The following BTAF1 variants were observed in gnomAD, a reference collection of about 807,000 sequenced individuals.
BTAF1 encodes the protein B-TFIID TATA-box binding protein associated factor 1.
BTAF1 carries 38 observed loss-of-function variants against 227.1 expected under a neutral mutation model. That is an observed-to-expected ratio of 0.17 (90% CI 0.13 to 0.22). BTAF1 has a LOEUF of 0.22. BTAF1 is among the 10% of genes least tolerant of loss of function. BTAF1 has a pLI of 1.00. For synonymous variants in BTAF1, 742 were observed against 751.9 expected, an observed-to-expected ratio of 0.99 and a Z score of 0.21; for missense variants, 1,598 against 2,204.0, an observed-to-expected ratio of 0.73 and a Z score of 5.51.
chr10:92,014,749 C>T (rs1329263391), intron 32 of BTAF1, among the ~76,000 whole-genome samples: 1 of 152,122 alleles, frequency 6.6e-6, no homozygotes, highest in Non-Finnish European at 1.5e-5. Context: ...CACAATTGTG[C>T]AGTGCTAATG....
At chr10:91,989,085 C>CT in intron 19 of BTAF1, 69 bp from the exon 20 acceptor site, 1 of 1,361,980 alleles carries the variant, frequency 7.3e-7, no homozygotes, top group South Asian at 1.5e-5. Context: ...GCTGTCTACC[C>CT]TTTAGGAGCT....
chr10:92,021,757 G>A (rs923451651), intron 34 of BTAF1, among the ~76,000 whole-genome samples: 1 of 152,016 alleles, frequency 6.6e-6, no homozygotes, highest in Admixed American at 6.5e-5. Flanking sequence ...TGTTAGCCAG[G>A]ATGGTCTCGC....
Position 92,013,764 on chromosome 10 carries a change from T to C in BTAF1, c.4409T>C (p.Leu1470Ser). Residue 1470 changes from leucine to serine, a missense_variant, in exon 31 of 38, where the codon TTA becomes TCA. Physicochemically the swap from Leu to Ser is moderately radical, Grantham distance 145. Around this residue, in one of 10 missense-constraint regions of BTAF1, gnomAD observed 184 missense variants for 341.1 expected, o/e 0.54. Transcript: ENST00000265990. ...QFAARYGKPI[L>S]ASRDARSSSR... ...GCTGCTCGATATGGTAAACCTATAT[T>C]AGCAAGTAGGGATGCTCGAAGCTCC... 1 of 1,614,064 alleles carries C rather than the reference T, an allele frequency of 6.2e-7. No individual in the cohort carries two copies. The highest frequency in any genetic ancestry group is 8.5e-7 in the Non-Finnish European group (1 of 1,180,018).
intron 1 of BTAF1, among the ~76,000 whole-genome samples, chr10:91,928,772 C>T (rs1343242737): frequency 8.9e-6 from 1 of 112,672 alleles, no homozygotes; most frequent in African/African-American, 3.2e-5. Context: ...CCCCCCCCCC[C>T]CGCCCCCCAA....
chr10:91,989,523 C>G lies in BTAF1; in HGVS notation c.2797C>G (p.Leu933Val), dbSNP rs781473293. The change falls in exon 20 of 38, where the codon CTA (leucine) becomes GTA (valine). Residue 933 changes from leucine (L) to valine (V), a missense_variant. Leu to Val is a conservative substitution (Grantham distance 32). Coordinates refer to ENST00000265990, the MANE Select transcript of BTAF1 (RefSeq NM_003972.3). ...TAGCTCACTTTGTGTGGACCCATAT[C>G]TAACTCCTTGTGTCACATGTCCAGT... ...LCSSLCVDPY[L>V]TPCVTCPVPT... 1.2e-6 allele frequency: 2 copies of G among 1,613,558 alleles called. No homozygotes were observed. Among genetic ancestry groups the G allele is most frequent in the Non-Finnish European group, 1.7e-6 (2 of 1,179,932 alleles).
chr10:91,960,263 C>T (rs1050200342), intron 11 of BTAF1, 109 bp downstream of exon 11: 39 of 1,205,076 alleles, frequency 3.2e-5, no homozygotes, highest in East Asian at 5.1e-5. Context: ...ACAGAGAAGC[C>T]AGTCTTCCAA....
chr10:91,968,536 T>C (rs1393800140), intron 14 of BTAF1, among the ~76,000 whole-genome samples: 1 of 152,196 alleles, frequency 6.6e-6, no homozygotes, highest in Non-Finnish European at 1.5e-5. Flanking sequence ...CATTAAGTTT[T>C]CAACTCACTT....
chr10:91,960,845 T>C (rs919408635), intron 11 of BTAF1, among the ~76,000 whole-genome samples: 1 of 152,212 alleles, frequency 6.6e-6, no homozygotes, highest in African/African-American at 2.4e-5. Context: ...GGAACATTTA[T>C]GTTCCCTTAG....
Position 92,028,875 on chromosome 10 carries a change from A to T in BTAF1, c.5492A>T (p.Asp1831Val), listed in dbSNP as rs1477069450. The part of the protein sequence containing the change: ...SILENLSDLW[D>V]QEQYDSEYSL... Reference sequence around the variant, plus strand: ...CTTGAAAACCTGAGTGATCTTTGGGATCAAGAGCAGTATGATTCAGAGTAC... The same window carrying T: ...CTTGAAAACCTGAGTGATCTTTGGGTTCAAGAGCAGTATGATTCAGAGTAC... Residue 1831 changes from aspartate to valine, a missense_variant, in exon 38 of 38, where the codon GAT (aspartate) becomes GTT (valine). Around this residue, in one of 10 missense-constraint regions of BTAF1, gnomAD observed 79 missense variants for 97.9 expected, o/e 0.81. Transcript: ENST00000265990. The T allele has an allele frequency of 6.2e-7, 1 of 1,609,550 alleles. No individual in the cohort carries two copies. Among genetic ancestry groups the T allele is most frequent in the Non-Finnish European group, 8.5e-7 (1 of 1,178,284 alleles).
At chr10:92,005,156 C>T (rs1278912180) in intron 25 of BTAF1, among the ~76,000 whole-genome samples, 1 of 152,142 alleles carries the variant, frequency 6.6e-6, no homozygotes, top group African/African-American at 2.4e-5. Context: ...ATTTTGAAAT[C>T]AGGTAGCGTG....
Position 91,989,270 on chromosome 10 carries a change from G to A in BTAF1, c.2544G>A (p.Glu848=), listed in dbSNP as rs1848597516. ...TGACAGTTACAGAGACCAACCAGGA[G>A]TGGCAAGTGTTGCAGTTGAGAGTGC... ...VQMTVTETNQ[E]WQVLQLRVHT... Residue 848 remains glutamate (E), a synonymous_variant, in exon 20 of 38, where the codon GAG becomes GAA. Transcript: ENST00000265990. The A allele has an allele frequency of 1.9e-6, 3 of 1,614,178 alleles. No homozygotes were observed. The highest frequency in any genetic ancestry group is 2.2e-5 in the East Asian group (1 of 44,886).
intron 1 of BTAF1, 29 bp downstream of exon 1, chr10:91,924,119 G>A (rs1843665129): frequency 3.1e-6 from 5 of 1,605,226 alleles, no homozygotes; most frequent in Non-Finnish European, 4.2e-6. Context: ...GAGCAAACTG[G>A]AAGGCGATTC....
chr10:91,980,613 A>T lies in BTAF1; in HGVS notation c.1755+55A>T, dbSNP rs926381076. 4.2e-6 allele frequency: 6 copies of T among 1,417,376 alleles called. No homozygotes were observed. The African/African-American group carries it at 5.7e-5, about 13-fold the overall frequency. The allele number at this position is 1,417,376 out of a possible 1,614,324, so 87.8% of individuals were successfully genotyped here. ...TCCTAGTAACTTTTGTAGATTTTTA[A>T]AATTTTTCATAATTGCTGTTCTGTT... On this transcript the variant is annotated intron_variant, in intron 15 of 37. Transcript: ENST00000265990.
intron 12 of BTAF1, 30 bp downstream of exon 12, chr10:91,962,708 T>C (rs1345629590): frequency 1.3e-6 from 2 of 1,537,130 alleles, no homozygotes; most frequent in Non-Finnish European, 1.8e-6. Context: ...AGTTTCTTAC[T>C]ATAGAGCTTG....
intron 28 of BTAF1, among the ~76,000 whole-genome samples, chr10:92,009,439 A>G (rs1850154879): frequency 6.6e-6 from 1 of 152,236 alleles, no homozygotes; most frequent in Non-Finnish European, 1.5e-5. Flanking sequence ...CTGGAGAACT[A>G]TCAGGAACCA....
At chr10:92,022,401 A>T (rs989758697) in intron 34 of BTAF1, among the ~76,000 whole-genome samples, 1 of 152,174 alleles carries the variant, frequency 6.6e-6, no homozygotes. Flanking sequence ...GGATCTGTAT[A>T]GGATGTCACA....
At chr10:91,934,985 A>G (rs1336344241) in intron 1 of BTAF1, among the ~76,000 whole-genome samples, 1 of 152,006 alleles carries the variant, frequency 6.6e-6, no homozygotes. Flanking sequence ...TTTTCCTGCC[A>G]TGTATCTTAT....
intron 33 of BTAF1, among the ~76,000 whole-genome samples, chr10:92,017,432 C>T (rs1850814185): frequency 1.3e-5 from 2 of 152,132 alleles, no homozygotes; most frequent in Non-Finnish European, 2.9e-5. Flanking sequence ...CACAGAAAAC[C>T]TCCTGCTAAT....
intron 4 of BTAF1, among the ~76,000 whole-genome samples, chr10:91,943,135 G>A (rs909277634): frequency 2.0e-5 from 3 of 152,038 alleles, no homozygotes; most frequent in African/African-American, 7.2e-5. Context: ...CCAACATGGC[G>A]AAACCCTGTC....
Sources: allele counts gnomAD v4.1 joint callset (sites outside exome capture counted in the v4.1 genomes callset), GRCh38; gene constraint gnomAD v4.1.1; regional missense constraint gnomAD v4.1.1; transcripts MANE v1.5; gene names NCBI Gene and HGNC (gene_info 2026-07-23, HGNC 2026-07-21).